The following CCDC14 variants were observed in gnomAD, a reference collection of about 807,000 sequenced individuals.
The protein encoded by CCDC14 is coiled-coil domain containing 14.
A neutral mutation model predicts 81.4 loss-of-function variants in CCDC14; 71 were observed. The observed-to-expected ratio is 0.87, with a 90% CI of 0.72 to 1.06. The LOEUF is 1.06. CCDC14 is among the 50% of genes least tolerant of loss of function. CCDC14 has a pLI of 0.00. For missense variants in CCDC14, 1,046 were observed against 1,047.3 expected (o/e 1.00, Z 0.02); for synonymous variants, 332 against 364.8 (o/e 0.91, Z 1.03).
chr3:123,892,828 G>A (rs1040563232), downstream of CCDC14, among the ~76,000 whole-genome samples: 14 of 150,950 alleles, frequency 9.3e-5, no homozygotes, highest in East Asian at 1.9e-4. Context: ...TTTTTGAGAC[G>A]GAGTCTTGCT....
chr3:123,955,785 G>A (rs2037287898), intron 5 of CCDC14, 58 bp downstream of exon 5: 1 of 1,383,910 alleles, frequency 7.2e-7, no homozygotes, highest in East Asian at 2.5e-5. Flanking sequence ...CCTGATAATT[G>A]ATCAAAATAC....
At chr3:123,915,746 T>G (rs2034645244) in intron 12 of CCDC14, 28 bp from the exon 13 acceptor site, 2 of 1,482,334 alleles carry the variant, frequency 1.3e-6, no homozygotes, top group Non-Finnish European at 1.8e-6. Flanking sequence ...GAACACTAAT[T>G]ATTATTTTTT....
At position 123,931,530 on chromosome 3, in the gene CCDC14, T is replaced by G; in HGVS notation, c.1427-4A>C. ...TTCAATGACTGAAGAGAAAACACTGTTAAGACAAAATGGATCAAATAGTTG... is the reference window on the plus strand; with the variant it reads ...TTCAATGACTGAAGAGAAAACACTGGTAAGACAAAATGGATCAAATAGTTG... On this transcript the variant is annotated splice_region_variant and splice_polypyrimidine_tract_variant and intron_variant, in intron 10 of 12. Transcript: ENST00000409697. 1 of 1,511,770 alleles carries G rather than the reference T, an allele frequency of 6.6e-7. No individual in the cohort carries two copies. Among genetic ancestry groups the G allele is most frequent in the Non-Finnish European group, 9.0e-7 (1 of 1,116,540 alleles). 93.6% of individuals were successfully genotyped at this position (1,511,770 alleles called of 1,614,324 possible). A position where few individuals can be genotyped will look rare whatever the true frequency, so the allele number is the denominator to read the frequency against.
downstream of CCDC14, among the ~76,000 whole-genome samples, chr3:123,893,739 T>C (rs1329590019): frequency 6.6e-6 from 1 of 152,192 alleles, no homozygotes; most frequent in African/African-American, 2.4e-5. Flanking sequence ...TATATTATTT[T>C]CTATTTTTTG....
chr3:123,920,580 G>T (rs1003177558), intron 12 of CCDC14, among the ~76,000 whole-genome samples: 1 of 152,142 alleles, frequency 6.6e-6, no homozygotes, highest in Non-Finnish European at 1.5e-5. Flanking sequence ...TGTCAACCAA[G>T]AATACTTTAT....
intron 1 of CCDC14, among the ~76,000 whole-genome samples, chr3:123,959,403 T>C (rs1405366312): frequency 1.3e-5 from 2 of 152,220 alleles, no homozygotes; most frequent in African/African-American, 4.8e-5. Flanking sequence ...TCTTTTCATA[T>C]ACCTGCTGGC....
At chr3:123,913,176 T>C (rs182664746), downstream of CCDC14, among the ~76,000 whole-genome samples, 2 of 152,350 alleles carry the variant, frequency 1.3e-5, no homozygotes, top group Admixed American at 6.5e-5. Context: ...TTTCAAGTCA[T>C]GTGCATGTCT....
Position 123,948,768 on chromosome 3 carries a change from G to A in CCDC14, c.607C>T (p.His203Tyr). The change falls in exon 7 of 13, where the codon CAT becomes TAT. Residue 203 changes from histidine (H) to tyrosine (Y), a missense_variant. Physicochemically the swap from His to Tyr is moderately conservative, Grantham distance 83. Coordinates refer to ENST00000409697, the MANE Select transcript of CCDC14 (RefSeq NM_001366335.1). ...PSHSESQATP[H>Y]SSYGLCTSTP... ...GAGGTACATAAGCCATAACTAGAAT[G>A]AGGAGTTGCCTGAGATTCTGTAAGT... The A allele has an allele frequency of 6.3e-7, 1 of 1,597,076 alleles. No homozygotes were observed. The highest frequency in any genetic ancestry group is 8.5e-7 in the Non-Finnish European group (1 of 1,175,476).
At chr3:123,943,440 C>G (rs1490305929) in intron 9 of CCDC14, among the ~76,000 whole-genome samples, 1 of 151,986 alleles carries the variant, frequency 6.6e-6, no homozygotes, top group African/African-American at 2.4e-5. Context: ...CATTGTAGGC[C>G]ATAGGAACTA....
At chr3:123,947,912 A>T (rs1244610739) in intron 7 of CCDC14, among the ~76,000 whole-genome samples, 1 of 152,090 alleles carries the variant, frequency 6.6e-6, no homozygotes, top group Non-Finnish European at 1.5e-5. Context: ...ATATCCAAAA[A>T]ATACAGTATT....
At chr3:123,946,559 C>T (rs1380698481) in intron 8 of CCDC14, among the ~76,000 whole-genome samples, 1 of 151,998 alleles carries the variant, frequency 6.6e-6, no homozygotes, top group Non-Finnish European at 1.5e-5. Context: ...TATTATCAAG[C>T]AGAATAAATA....
In CCDC14 at chr3:123,915,708, T is replaced by C; in HGVS notation, c.1789A>G (p.Thr597Ala). ...RLRELTRTLQ[T>A]SMAKLLSDLS... ...TCGGAGAGAAGCTTTGCCATGCTAG[T>C]CTGTAAAGTTCTGTTAAGAAGAATC... The change falls in exon 13 of 13, where the codon ACT becomes GCT. Residue 597 changes from threonine to alanine, a missense_variant. Coordinates refer to ENST00000409697, the MANE Select transcript of CCDC14 (RefSeq NM_001366335.1). 6.2e-7 allele frequency: 1 copy of C among 1,602,534 alleles called. No individual in the cohort carries two copies. Among genetic ancestry groups the C allele is most frequent in the Non-Finnish European group, 8.5e-7 (1 of 1,175,444 alleles).
chr3:123,894,250 G>A (rs900473889), downstream of CCDC14, among the ~76,000 whole-genome samples: 12 of 152,204 alleles, frequency 7.9e-5, no homozygotes, highest in East Asian at 5.8e-4. Context: ...TTCAAACCTC[G>A]TTGAAAATAG....
chr3:123,939,383 G>A (rs967083787), intron 9 of CCDC14, among the ~76,000 whole-genome samples: 3 of 147,100 alleles, frequency 2.0e-5, no homozygotes, highest in Non-Finnish European at 3.0e-5. Context: ...ATGTGTTGGT[G>A]TTGATTGTTT....
intron 5 of CCDC14, among the ~76,000 whole-genome samples, chr3:123,900,491 G>C (rs934993877): frequency 1.3e-5 from 2 of 152,186 alleles, no homozygotes; most frequent in African/African-American, 4.8e-5. Flanking sequence ...TCTTAGAAAG[G>C]TGTATATCCA....
Position 123,914,428 on chromosome 3 carries a change from C to A in CCDC14, c.*351G>T. On this transcript the variant is annotated 3_prime_UTR_variant, in exon 13 of 13. Transcript: ENST00000409697. ...ACAGAAAAACTTACATCCAGAGATT[C>A]TTTTCCCATTATTTCTTAGGACAGC... 2 of 990,630 alleles carry A rather than the reference C, an allele frequency of 2.0e-6. No individual in the cohort carries two copies. Among genetic ancestry groups the A allele is most frequent in the South Asian group, 4.7e-5 (1 of 21,372 alleles). 61.4% of individuals were successfully genotyped at this position (990,630 alleles called of 1,614,324 possible).
At chr3:123,889,556 C>T in the CCDC14 span, among the ~76,000 whole-genome samples, 1 of 152,218 alleles carries the variant, frequency 6.6e-6, no homozygotes, top group African/African-American at 2.4e-5. Context: ...CATGCTGATG[C>T]AAGGATGCTC....
chr3:123,899,072 A>G (rs2034130740), intron 5 of CCDC14, among the ~76,000 whole-genome samples: 1 of 152,108 alleles, frequency 6.6e-6, no homozygotes, highest in Non-Finnish European at 1.5e-5. Flanking sequence ...TTGTTTATTA[A>G]CAAAGTCAGA....
At chr3:123,902,016 C>T (rs1407134314) in intron 5 of CCDC14, among the ~76,000 whole-genome samples, 2 of 152,106 alleles carry the variant, frequency 1.3e-5, no homozygotes, top group Admixed American at 1.3e-4. Flanking sequence ...AGTAAAGCTT[C>T]CAAAGATCAA....
Sources: allele counts gnomAD v4.1 joint callset (sites outside exome capture counted in the v4.1 genomes callset), GRCh38; gene constraint gnomAD v4.1.1; transcripts MANE v1.5; gene names NCBI Gene and HGNC (gene_info 2026-07-23, HGNC 2026-07-21).